The following THSD7A variants were observed in gnomAD, a reference collection of about 807,000 sequenced individuals.
The protein encoded by THSD7A is thrombospondin type 1 domain containing 7A.
Under a neutral mutation model 231.3 loss-of-function variants are expected in THSD7A, and 96 were observed. The ratio of observed to expected loss-of-function variants is 0.41; its 90% confidence interval spans 0.35 to 0.49. The LOEUF (loss-of-function observed/expected upper bound fraction) is 0.49, where lower values mean the gene tolerates loss of function less well. THSD7A is among the 20% of genes least tolerant of loss of function. The pLI is 0.05. For missense variants in THSD7A, 2,290 were observed against 2,070.2 expected, an observed-to-expected ratio of 1.11 and a Z score of -2.06; for synonymous variants, 940 against 743.3, an observed-to-expected ratio of 1.26 and a Z score of -4.30.
intron 1 of THSD7A, among the ~76,000 whole-genome samples, chr7:11,773,834 T>A (rs982164396): frequency 2.6e-5 from 4 of 151,998 alleles, no homozygotes; most frequent in Non-Finnish European, 5.9e-5. Context: ...GCACATAAGG[T>A]GATTAATAAA....
chr7:11,649,920 G>T (rs1782426632), intron 1 of THSD7A, among the ~76,000 whole-genome samples: 1 of 151,978 alleles, frequency 6.6e-6, no homozygotes, highest in African/African-American at 2.4e-5. Flanking sequence ...ATGTTCTGAG[G>T]AATGTCAAGA....
rs151270171 is a variant in THSD7A at position 11,669,588 on chromosome 7, G to A, written c.191-32627C>T. ...CAGACCACTCTATTTTTTGGTTATGGTTTCCTTGTAATTTAAAATTTTTTA... is the reference window on the plus strand; with the variant it reads ...CAGACCACTCTATTTTTTGGTTATGATTTCCTTGTAATTTAAAATTTTTTA... On this transcript the variant is annotated intron_variant, in intron 1 of 27. Coordinates refer to ENST00000423059, the MANE Select transcript of THSD7A (RefSeq NM_015204.3). 2.8e-3 allele frequency among the ~76,000 whole-genome samples: 428 copies of A among 151,534 alleles called. 1 individual carries two copies. The highest frequency in any genetic ancestry group is 9.8e-3 in the African/African-American group (406 of 41,364).
At chr7:11,797,821 T>A (rs1204674074) in intron 1 of THSD7A, among the ~76,000 whole-genome samples, 1 of 152,198 alleles carries the variant, frequency 6.6e-6, no homozygotes, top group Non-Finnish European at 1.5e-5. Flanking sequence ...CAGCCAGACA[T>A]CACTCCCATT....
chr7:11,655,666 C>T (rs779367311), intron 1 of THSD7A, among the ~76,000 whole-genome samples: 17 of 151,704 alleles, frequency 1.1e-4, no homozygotes, highest in Non-Finnish European at 2.4e-4. Context: ...ACATAAAATA[C>T]CTGACCACCT....
chr7:11,632,566 C>T lies in THSD7A; in HGVS notation c.1022+3564G>A, dbSNP rs939366285. 6.6e-6 allele frequency among the ~76,000 whole-genome samples: 1 copy of T among 152,082 alleles called. No homozygotes were observed. On this transcript the variant is annotated intron_variant, in intron 2 of 27. Transcript: ENST00000423059. This position sits in a 1 kb window ranked among gnomAD's most constrained non-coding sequence, Gnocchi z 4.1. ...ACCACTTGCTTTCTAATTTTCATTT[C>T]CTTCTCTTTTCAGGTACATTGACTG...
At position 11,636,107 on chromosome 7, in the gene THSD7A, G is replaced by T; in HGVS notation, c.1022+23C>A. ...GATTCTTGACAGACAAGCCTGTGTA[G>T]TTAACAGTAATTAAAATGTTACCTT... is the stretch of plus-strand genomic sequence containing the variant. On this transcript the variant is annotated intron_variant, in intron 2 of 27. Transcript: ENST00000423059. This position sits in a 1 kb window ranked among gnomAD's most constrained non-coding sequence, Gnocchi z 10.0. The T allele has an allele frequency of 6.3e-7, 1 of 1,585,192 alleles. No homozygotes were observed. Among genetic ancestry groups the T allele is most frequent in the Non-Finnish European group, 8.6e-7 (1 of 1,162,174 alleles).
chr7:11,499,231 G>A (rs1787233711), intron 6 of THSD7A, among the ~76,000 whole-genome samples: 1 of 152,166 alleles, frequency 6.6e-6, no homozygotes, highest in Non-Finnish European at 1.5e-5. Flanking sequence ...GGAACTCCTG[G>A]CTTGGGCCCT....
intron 4 of THSD7A, among the ~76,000 whole-genome samples, chr7:11,544,717 CCA>C (rs1269815993): frequency 6.6e-6 from 1 of 152,128 alleles, no homozygotes; most frequent in Non-Finnish European, 1.5e-5. Flanking sequence ...CCTCTTACTA[CCA>C]CAGTTTTTGT....
chr7:11,682,976 A>G (rs1207349074), intron 1 of THSD7A, among the ~76,000 whole-genome samples: 1 of 151,868 alleles, frequency 6.6e-6, no homozygotes, highest in Non-Finnish European at 1.5e-5. Context: ...TACAAATATT[A>G]GTTGGCACGG....
chr7:11,658,861 A>G (rs1782809257), intron 1 of THSD7A, among the ~76,000 whole-genome samples: 1 of 151,726 alleles, frequency 6.6e-6, no homozygotes, highest in South Asian at 2.1e-4. Context: ...GAAAATGAGC[A>G]CATGTAAGAT....
At chr7:11,815,775 C>A (rs1239701678) in intron 1 of THSD7A, among the ~76,000 whole-genome samples, 1 of 152,112 alleles carries the variant, frequency 6.6e-6, no homozygotes, top group Non-Finnish European at 1.5e-5. Flanking sequence ...CTCCTAGATT[C>A]TATGAATCAG....
intron 6 of THSD7A, among the ~76,000 whole-genome samples, chr7:11,486,553 G>A (rs375008062): frequency 6.6e-6 from 1 of 152,038 alleles, no homozygotes; most frequent in Admixed American, 6.6e-5. Flanking sequence ...TATCACTACT[G>A]TGATTTGTGT....
At chr7:11,666,650 G>A (rs952075179) in intron 1 of THSD7A, among the ~76,000 whole-genome samples, 4 of 148,412 alleles carry the variant, frequency 2.7e-5, no homozygotes, top group African/African-American at 5.0e-5. Context: ...ATAATATACA[G>A]TATACTGCTT....
intron 1 of THSD7A, among the ~76,000 whole-genome samples, chr7:11,728,941 G>A (rs1303189364): frequency 6.6e-6 from 1 of 151,524 alleles, no homozygotes; most frequent in African/African-American, 2.4e-5. Context: ...ATTTCCTAAA[G>A]TAAATAATAT....
At chr7:11,598,383 A>T (rs186300985) in intron 2 of THSD7A, among the ~76,000 whole-genome samples, 2 of 152,312 alleles carry the variant, frequency 1.3e-5, no homozygotes, top group Non-Finnish European at 2.9e-5. Context: ...AGTGGATAGG[A>T]TGACCTGTTC....
intron 11 of THSD7A, 106 bp from the exon 12 acceptor site, chr7:11,447,530 T>C: frequency 2.2e-6 from 2 of 919,466 alleles, no homozygotes; most frequent in Non-Finnish European, 3.1e-6. Context: ...AAGCCTCTTG[T>C]AGTTCCTTAC....
At chr7:11,510,730 C>G (rs965672746) in intron 6 of THSD7A, among the ~76,000 whole-genome samples, 2 of 152,170 alleles carry the variant, frequency 1.3e-5, no homozygotes, top group African/African-American at 4.8e-5. Context: ...AACAGCCCTT[C>G]ATGCTAAAAA....
intron 6 of THSD7A, among the ~76,000 whole-genome samples, chr7:11,513,236 G>A (rs1035463308): frequency 4.0e-5 from 6 of 151,226 alleles, no homozygotes; most frequent in Admixed American, 2.0e-4. Context: ...GGTTGCAGCA[G>A]GATCTCACAA....
chr7:11,649,952 A>G (rs950151487), intron 1 of THSD7A, among the ~76,000 whole-genome samples: 7 of 152,088 alleles, frequency 4.6e-5, no homozygotes, highest in South Asian at 2.1e-4. Flanking sequence ...TCTGCCAACT[A>G]TATTTTGACA....
Sources: allele counts gnomAD v4.1 joint callset (sites outside exome capture counted in the v4.1 genomes callset), GRCh38; gene constraint gnomAD v4.1.1; non-coding constraint Gnocchi (gnomAD v3.1); transcripts MANE v1.5; gene names NCBI Gene and HGNC (gene_info 2026-07-23, HGNC 2026-07-21).